The following LRCH2 variants were observed in gnomAD, a reference collection of about 807,000 sequenced individuals.
LRCH2 encodes leucine rich repeats and calponin homology domain containing 2, also known as leucine-rich repeat and calponin homology domain-containing protein 2.
Under a neutral mutation model 68.9 loss-of-function variants are expected in LRCH2, and 38 were observed. That is an observed-to-expected ratio of 0.55 (90% CI 0.43 to 0.72). The LOEUF is 0.72. Among genes scored for constraint, LRCH2 ranks in the 30% least tolerant of loss-of-function variants. LRCH2 has a pLI of 0.00. For synonymous variants in LRCH2, 191 were observed against 208.1 expected, an observed-to-expected ratio of 0.92 and a Z score of 0.71; for missense variants, 528 against 572.9, an observed-to-expected ratio of 0.92 and a Z score of 0.80.
At chrX:115,189,812 A>T in intron 1 of LRCH2, 1 of 1,167,232 alleles carries the variant, frequency 8.6e-7, no homozygotes, top group Non-Finnish European at 1.1e-6. Flanking sequence ...CCCCCCTCTC[A>T]GGGCAGGCCT....
At chrX:115,167,220 C>CAAAAAAAAAAAAA (rs2072569384) in intron 6 of LRCH2, among the ~76,000 whole-genome samples, 1 of 35,207 alleles carries the variant, frequency 2.8e-5, no homozygotes, top group Non-Finnish European at 5.2e-5. Context: ...AAAAAAAAAA[C>CAAAAAAAAAAAAA]AATAACAACA....
chrX:115,199,386 C>T (rs2072914262), intron 1 of LRCH2, among the ~76,000 whole-genome samples: 2 of 111,780 alleles, frequency 1.8e-5, no homozygotes, highest in South Asian at 7.4e-4. Flanking sequence ...AAACATAATC[C>T]AACTATATGA....
chrX:115,142,039 T>C (rs1401387457), intron 14 of LRCH2, among the ~76,000 whole-genome samples: 1 of 111,236 alleles, frequency 9.0e-6, no homozygotes, highest in Non-Finnish European at 1.9e-5. Flanking sequence ...ACAAAATGGA[T>C]TTCAAGATAA....
At chrX:115,145,221 G>A (rs56194197) in intron 14 of LRCH2, among the ~76,000 whole-genome samples, 11,749 of 111,411 alleles carry the variant, frequency 0.11, 606 homozygotes, top group Non-Finnish European at 0.16. Flanking sequence ...AGTAAATGAG[G>A]CTGGGAAAAC....
At chrX:115,168,534 A>AT (rs1556546366) in intron 6 of LRCH2, among the ~76,000 whole-genome samples, 44 of 112,189 alleles carry the variant, frequency 3.9e-4, no homozygotes, top group Middle Eastern at 4.2e-3. Flanking sequence ...TACTCAAATA[A>AT]CATGTATTTC....
rs1358915349 is a variant in LRCH2 at position 115,122,508 on chromosome X, T to C, written c.2178+19A>G. The C allele has an allele frequency of 8.6e-7, 1 of 1,163,594 alleles. No homozygotes were observed. Among genetic ancestry groups the C allele is most frequent in the Admixed American group, 2.2e-5 (1 of 44,601 alleles). ...AATTCAAATTTAAGTGATCACGTTG[T>C]TAGATAAATAACAATTACCTGTGAG... is the stretch of plus-strand genomic sequence containing the variant. On this transcript the variant is annotated intron_variant, in intron 20 of 20. Coordinates refer to ENST00000317135, the MANE Select transcript of LRCH2 (RefSeq NM_020871.4).
chrX:115,165,840 C>T lies in LRCH2; in HGVS notation c.1198+1G>A, dbSNP rs2072555134. The T allele has an allele frequency of 8.8e-7, 1 of 1,136,083 alleles. No homozygotes were observed. Among genetic ancestry groups the T allele is most frequent in the Non-Finnish European group, 1.2e-6 (1 of 847,914 alleles). The allele number at this position is 1,136,083 out of a possible 1,213,427, so 93.6% of individuals were successfully genotyped here. On this transcript the variant is annotated splice_donor_variant, in intron 8 of 20. Transcript: ENST00000317135. LOFTEE classifies it high-confidence loss of function. Reference sequence around the variant, plus strand: ...AAAATAGCAGGTACCATATGAATTACCTTTCTGAGAATCAGTCTTACTTCC... The same window carrying T: ...AAAATAGCAGGTACCATATGAATTATCTTTCTGAGAATCAGTCTTACTTCC...
intron 1 of LRCH2, among the ~76,000 whole-genome samples, chrX:115,211,237 G>C (rs147653493): frequency 0.01 from 1,170 of 111,540 alleles, 19 homozygotes; most frequent in African/African-American, 0.037. Context: ...TGTTGTGGGA[G>C]GGAACTGGTG....
chrX:115,152,472 AG>A (rs1156294257), intron 12 of LRCH2, among the ~76,000 whole-genome samples: 2 of 112,220 alleles, frequency 1.8e-5, no homozygotes, highest in East Asian at 2.8e-4. Flanking sequence ...AGAAATAAAA[AG>A]TGCAACATCT....
At chrX:115,223,388 A>G (rs1045989917) in intron 1 of LRCH2, among the ~76,000 whole-genome samples, 2 of 111,251 alleles carry the variant, frequency 1.8e-5, no homozygotes, top group Non-Finnish European at 3.8e-5. Flanking sequence ...ATGAACCAAC[A>G]GAATAGGAAA....
chrX:115,123,603 C>T lies in LRCH2; in HGVS notation c.1849+342G>A, dbSNP rs190867694. 2.9e-4 allele frequency among the ~76,000 whole-genome samples: 32 copies of T among 111,924 alleles called. No homozygotes were observed. In the East Asian group the frequency reaches 5.9e-3, roughly 21 times the overall value. On this transcript the variant is annotated intron_variant, in intron 17 of 20. Transcript: ENST00000317135. ...CATTTTCTTTTGGGCTTGCCAAATGCGAAAAGATCCCTTTATAAAACCACA... is the reference window on the plus strand; with the variant it reads ...CATTTTCTTTTGGGCTTGCCAAATGTGAAAAGATCCCTTTATAAAACCACA...
intron 20 of LRCH2, among the ~76,000 whole-genome samples, chrX:115,121,171 TAATAAATA>T (rs781822005): frequency 4.8e-4 from 52 of 107,743 alleles, no homozygotes; most frequent in South Asian, 1.2e-3. Flanking sequence ...TAAAGTATAA[TAATAAATA>T]AATAAATAAA....
chrX:115,129,038 A>C (rs1255407401), intron 15 of LRCH2, among the ~76,000 whole-genome samples: 1 of 112,236 alleles, frequency 8.9e-6, no homozygotes, highest in Non-Finnish European at 1.9e-5. Context: ...ACTTTTTAAA[A>C]ACTCAGTTTT....
chrX:115,115,393 T>C (rs1251849122), intron 20 of LRCH2, among the ~76,000 whole-genome samples: 1 of 110,952 alleles, frequency 9.0e-6, no homozygotes, highest in African/African-American at 3.3e-5. Flanking sequence ...AATAAAGCCT[T>C]ATATTTATGG....
At chrX:115,224,967 G>C (rs2073109498) in intron 1 of LRCH2, among the ~76,000 whole-genome samples, 1 of 111,835 alleles carries the variant, frequency 8.9e-6, no homozygotes, top group African/African-American at 3.3e-5. Flanking sequence ...AAAGCTGACA[G>C]ACTGAGTGGG....
intron 14 of LRCH2, among the ~76,000 whole-genome samples, chrX:115,135,572 C>T (rs1332145510): frequency 8.9e-6 from 1 of 112,178 alleles, no homozygotes; most frequent in African/African-American, 3.2e-5. Flanking sequence ...GCTGTGAACA[C>T]TGTTGAAATG....
chrX:115,184,578 T>C, intron 2 of LRCH2, 41 bp from the exon 3 acceptor site: 3 of 1,041,198 alleles, frequency 2.9e-6, no homozygotes, highest in Non-Finnish European at 3.8e-6. Flanking sequence ...AATATGTATG[T>C]AATGTGACAT....
rs1358841630 is a variant in LRCH2, at chrX:115,191,149, G to C, written c.350-2779C>G. 3.4e-6 allele frequency: 4 copies of C among 1,164,393 alleles called. No homozygotes were observed. In the African/African-American group the frequency reaches 7.3e-5, roughly 21 times the overall value. ...CGCCCACAGTGGGGGCTGCTCTGCCGACGCCTACAGTGGGGGCCACGACAG... is the reference window on the plus strand; with the variant it reads ...CGCCCACAGTGGGGGCTGCTCTGCCCACGCCTACAGTGGGGGCCACGACAG... On this transcript the variant is annotated intron_variant, in intron 1 of 20. Coordinates refer to ENST00000317135, the MANE Select transcript of LRCH2 (RefSeq NM_020871.4).
At chrX:115,155,463 A>C (rs2072467975) in intron 12 of LRCH2, among the ~76,000 whole-genome samples, 1 of 111,549 alleles carries the variant, frequency 9.0e-6, no homozygotes, top group African/African-American at 3.3e-5. Context: ...AAAGAAAAAA[A>C]AGTTAAGGTC....
Sources: gnomAD v4.1 joint callset for allele counts (sites outside exome capture counted in the v4.1 genomes callset) on GRCh38, gnomAD v4.1.1 for gene constraint, MANE v1.5 for transcripts, NCBI Gene and HGNC (gene_info 2026-07-23, HGNC 2026-07-21) for gene names.